Variants in SCAF11 observed in about 807,000 individuals in gnomAD.
The protein encoded by SCAF11 is protein SCAF11.
Under a neutral mutation model 140.5 loss-of-function variants are expected in SCAF11, and 47 were observed. The ratio of observed to expected loss-of-function variants is 0.33; its 90% CI spans 0.26 to 0.43. The LOEUF (loss-of-function observed/expected upper bound fraction) is 0.43, where lower values mean the gene tolerates loss of function less well. Ranked by LOEUF, SCAF11 falls within the 20% of genes least tolerant of loss-of-function variation. The probability of loss-of-function intolerance (pLI) is 1.00; values close to 1 mark genes in which losing one functional copy is unlikely to be tolerated. For synonymous variants in SCAF11, 557 were observed against 579.4 expected, an observed-to-expected ratio of 0.96 and a Z score of 0.55; for missense variants, 1,645 against 1,705.1, an observed-to-expected ratio of 0.96 and a Z score of 0.62.
intron 6 of SCAF11, among the ~76,000 whole-genome samples, chr12:45,937,218 ATC>A (rs1206984102): frequency 6.6e-6 from 1 of 151,984 alleles, no homozygotes; most frequent in African/African-American, 2.4e-5. Flanking sequence ...ATATCCTATC[ATC>A]TCTTTTTTAG....
rs913170063 is a variant in SCAF11 at position 45,922,877 on chromosome 12, TA to T, written c.4125+58del. ...CACCACTCATACAATAAAAAGCTGA[TA>T]TTTTTTCTCCTTTATCATATACAGA... On this transcript the variant is annotated intron_variant, in intron 13 of 14. Transcript: ENST00000369367. 2.4e-5 allele frequency: 36 copies of T among 1,471,858 alleles called. 1 individual carries two copies. The East Asian group carries it at 2.5e-4, about 10-fold the overall frequency. The allele number at this position is 1,471,858 out of a possible 1,614,324, so 91.2% of individuals were successfully genotyped here.
intron 6 of SCAF11, among the ~76,000 whole-genome samples, chr12:45,942,475 G>A (rs11183243): frequency 0.39 from 59,612 of 152,052 alleles, 13,490 homozygotes; most frequent in East Asian, 0.55. Flanking sequence ...ACCAGATCAC[G>A]TTACTCCTGA....
At position 45,990,526 on chromosome 12, in the gene SCAF11, G is replaced by T; in HGVS notation, c.-195C>A. 8.1e-7 allele frequency: 1 copy of T among 1,231,992 alleles called. No homozygotes were observed. The highest frequency in any genetic ancestry group is 1.0e-6 in the Non-Finnish European group (1 of 988,238). The allele number at this position is 1,231,992 out of a possible 1,614,324, so 76.3% of individuals were successfully genotyped here. A position where few individuals can be genotyped will look rare whatever the true frequency, so the allele number is the denominator to read the frequency against. On this transcript the variant is annotated 5_prime_UTR_variant, in exon 1 of 15. Transcript: ENST00000369367. ...CGGTCCGGAGGCGGCGGCGAAGCAG[G>T]GAGCGACCCAGGTTGCGCTGCTCCG... is the stretch of plus-strand genomic sequence containing the variant.
intron 14 of SCAF11, 80 bp from the exon 15 acceptor site, chr12:45,922,274 A>G (rs1301887956): frequency 6.7e-7 from 1 of 1,492,746 alleles, no homozygotes; most frequent in Non-Finnish European, 9.0e-7. Context: ...TGTGAAAAAC[A>G]ACCCCAAAGA....
intron 6 of SCAF11, among the ~76,000 whole-genome samples, chr12:45,943,470 T>C (rs1216143816): frequency 6.6e-6 from 1 of 152,232 alleles, no homozygotes; most frequent in African/African-American, 2.4e-5. Context: ...TATATTATTA[T>C]AATTGTTCTA....
chr12:45,933,532 G>C (rs1287390221), intron 8 of SCAF11, among the ~76,000 whole-genome samples: 1 of 152,006 alleles, frequency 6.6e-6, no homozygotes, highest in Admixed American at 6.6e-5. Context: ...CCTCATTATT[G>C]AAAGGAAGAA....
chr12:45,941,686 T>C (rs1468494601), intron 6 of SCAF11, among the ~76,000 whole-genome samples: 1 of 152,186 alleles, frequency 6.6e-6, no homozygotes, highest in African/African-American at 2.4e-5. Flanking sequence ...ATTTTACCAG[T>C]TCCTTAGGTC....
At chr12:45,956,467 A>T (rs888767098) in intron 3 of SCAF11, among the ~76,000 whole-genome samples, 4 of 152,130 alleles carry the variant, frequency 2.6e-5, no homozygotes, top group African/African-American at 9.7e-5. Flanking sequence ...CTTCCAAATT[A>T]ATTGTTCACC....
At chr12:45,937,495 TG>T (rs1945196340) in intron 6 of SCAF11, among the ~76,000 whole-genome samples, 3 of 152,306 alleles carry the variant, frequency 2.0e-5, no homozygotes, top group Admixed American at 2.0e-4. Flanking sequence ...TGGAGATCCT[TG>T]ATTGTTTGCT....
In SCAF11 at chr12:45,926,899, C is replaced by G; in HGVS notation, c.2802G>C (p.Arg934Ser). ...ERERRTRKWS[R>S]SRSHSRSPSR... ...AGGGGGACCTAGAATGAGATCTGGA[C>G]CTAGACCACTTTCTGGTTCTCCTTT... Residue 934 changes from arginine (R) to serine (S), a missense_variant, in exon 11 of 15, where the codon AGG (arginine) becomes AGC (serine). Transcript: ENST00000369367. 2 of 1,613,544 alleles carry G rather than the reference C, an allele frequency of 1.2e-6. No individual in the cohort carries two copies. The highest frequency in any genetic ancestry group is 1.7e-6 in the Non-Finnish European group (2 of 1,180,018).
At chr12:45,983,206 G>T (rs1446125075) in intron 1 of SCAF11, among the ~76,000 whole-genome samples, 1 of 152,112 alleles carries the variant, frequency 6.6e-6, no homozygotes, top group Non-Finnish European at 1.5e-5. Context: ...TGGGGATTTT[G>T]AGCTTAATGT....
At chr12:45,990,312 C>A in intron 1 of SCAF11, 41 bp downstream of exon 1, 1 of 1,231,614 alleles carries the variant, frequency 8.1e-7, no homozygotes, top group Non-Finnish European at 1.0e-6. Context: ...TCCCAGACAG[C>A]TGCCCAAGCC....
chr12:45,956,226 G>A (rs1945689586), intron 3 of SCAF11: 2 of 708,780 alleles, frequency 2.8e-6, no homozygotes, highest in African/African-American at 1.8e-5. Flanking sequence ...TAAGACAAGT[G>A]CTTAAAGACT....
At position 45,927,298 on chromosome 12, in the gene SCAF11, C is replaced by T; in HGVS notation, c.2403G>A (p.Trp801Ter). Residue 801 changes from tryptophan to a stop codon, truncating the protein, a stop_gained, in exon 11 of 15, where the codon TGG becomes TGA. Coordinates refer to ENST00000369367, the MANE Select transcript of SCAF11 (RefSeq NM_004719.3). LOFTEE classifies it high-confidence loss of function. Reference sequence around the variant, plus strand: ...CTTGTGGAGTGTCTTTGTTGGGTGACCAAGTTGTAGATGGAGAATGAAATC... The same window carrying T: ...CTTGTGGAGTGTCTTTGTTGGGTGATCAAGTTGTAGATGGAGAATGAAATC... The part of the protein sequence containing the change: ...RSRFHSPSTT[W>*]SPNKDTPQEK... 6.2e-7 allele frequency: 1 copy of T among 1,613,438 alleles called. No homozygotes were observed. The highest frequency in any genetic ancestry group is 8.5e-7 in the Non-Finnish European group (1 of 1,179,864).
At chr12:45,942,099 C>T (rs1945315686) in intron 6 of SCAF11, among the ~76,000 whole-genome samples, 1 of 152,230 alleles carries the variant, frequency 6.6e-6, no homozygotes, top group Admixed American at 6.5e-5. Flanking sequence ...GTATATAATA[C>T]ATATAACATA....
At position 45,926,509 on chromosome 12, in the gene SCAF11, A is replaced by G; in HGVS notation, c.3192T>C (p.Gly1064=). Residue 1064 remains glycine, a synonymous_variant, in exon 11 of 15, where the codon GGT becomes GGC. Coordinates refer to ENST00000369367, the MANE Select transcript of SCAF11 (RefSeq NM_004719.3). ...NSGNSWNKNF[G]SGWVSNRGRG... The stretch of plus-strand genomic sequence containing the variant: ...TACCACGGTTAGATACCCAACCAGA[A>G]CCAAAGTTTTTATTCCAAGAATTTC... 1 of 1,613,772 alleles carries G rather than the reference A, an allele frequency of 6.2e-7. No individual in the cohort carries two copies. The highest frequency in any genetic ancestry group is 8.5e-7 in the Non-Finnish European group (1 of 1,179,964).
intron 1 of SCAF11, among the ~76,000 whole-genome samples, chr12:45,969,898 A>G (rs1474686358): frequency 6.6e-5 from 10 of 151,260 alleles, no homozygotes; most frequent in Non-Finnish European, 1.5e-4. Flanking sequence ...CACCACATTC[A>G]ACCATTTTTT....
chr12:45,985,178 TTC>T (rs1946434276), intron 1 of SCAF11, among the ~76,000 whole-genome samples: 1 of 152,236 alleles, frequency 6.6e-6, no homozygotes. Context: ...TGGTACCAAT[TTC>T]TCCAATTTCA....
At chr12:45,948,046 A>G (rs1050134902) in intron 5 of SCAF11, among the ~76,000 whole-genome samples, 6 of 152,214 alleles carry the variant, frequency 3.9e-5, no homozygotes, top group South Asian at 2.1e-4. Flanking sequence ...AGATTCAGAA[A>G]TAAACTGAAA....
Sources: allele counts gnomAD v4.1 joint callset (sites outside exome capture counted in the v4.1 genomes callset), GRCh38; gene constraint gnomAD v4.1.1; transcripts MANE v1.5; gene names NCBI Gene and HGNC (gene_info 2026-07-23, HGNC 2026-07-21).